INPP4B: variants seen among roughly 807,000 people sequenced by gnomAD.
INPP4B encodes inositol polyphosphate-4-phosphatase type II B.
Under a neutral mutation model 122.5 loss-of-function variants are expected in INPP4B, and 55 were observed. The observed-to-expected ratio is 0.45, with a 90% confidence interval of 0.36 to 0.56. The LOEUF (loss-of-function observed/expected upper bound fraction) is 0.56. INPP4B is among the 20% of genes least tolerant of loss of function. INPP4B has a pLI of 0.00. For missense variants in INPP4B, 1,000 were observed against 1,097.7 expected (o/e 0.91, Z 1.26); for synonymous variants, 403 against 388.7 (o/e 1.04, Z -0.43).
At chr4:142,480,018 GA>G (rs1217223402) in intron 2 of INPP4B, among the ~76,000 whole-genome samples, 5 of 152,130 alleles carry the variant, frequency 3.3e-5, no homozygotes, top group Non-Finnish European at 7.4e-5. Flanking sequence ...AATTGCAGTT[GA>G]AATCAAAATA....
chr4:142,368,915 G>A lies in INPP4B; in HGVS notation c.372+34023C>T, dbSNP rs554027323. 1.7e-4 allele frequency among the ~76,000 whole-genome samples: 26 copies of A among 152,150 alleles called. No individual in the cohort carries two copies. The South Asian group carries it at 5.2e-3, about 30-fold the overall frequency. On this transcript the variant is annotated intron_variant, in intron 7 of 25. Transcript: ENST00000262992. ...GGGAGAGTAAAAGGAGACATTTGCCGAGTTAAGCCTGGATCACTTCAAGAA... is the reference window on the plus strand; with the variant it reads ...GGGAGAGTAAAAGGAGACATTTGCCAAGTTAAGCCTGGATCACTTCAAGAA...
At chr4:142,349,649 C>A (rs554735276) in intron 7 of INPP4B, among the ~76,000 whole-genome samples, 1 of 151,874 alleles carries the variant, frequency 6.6e-6, no homozygotes, top group African/African-American at 2.4e-5. Context: ...TCCTATATAT[C>A]CACAAAATAC....
In INPP4B at chr4:142,820,625, T is replaced by C. The variant is rs117419858; in HGVS notation, c.-254+25584A>G. 1.9e-3 allele frequency among the ~76,000 whole-genome samples: 295 copies of C among 152,204 alleles called. 4 individuals are homozygous for C. In the East Asian group the frequency reaches 0.051, roughly 26 times the overall value. On this transcript the variant is annotated intron_variant, in intron 1 of 25. Transcript: ENST00000262992. ...TCATTTTGAGGTCACATAAATGTAA[T>C]AAATTTTGAGTAGGTTCTTAGAATT...
intron 12 of INPP4B, among the ~76,000 whole-genome samples, chr4:142,233,516 C>G (rs903771706): frequency 2.0e-5 from 3 of 152,252 alleles, no homozygotes; most frequent in African/African-American, 7.2e-5. Context: ...ATGGTTTGCA[C>G]TCTTTGCAAC....
intron 2 of INPP4B, among the ~76,000 whole-genome samples, chr4:142,704,202 G>T (rs1400710569): frequency 1.3e-5 from 2 of 152,116 alleles, no homozygotes; most frequent in Non-Finnish European, 2.9e-5. Context: ...AACAAAACAA[G>T]CTGGGGCATG....
chr4:142,164,006 C>G (rs558269126), intron 16 of INPP4B, among the ~76,000 whole-genome samples: 2 of 151,702 alleles, frequency 1.3e-5, no homozygotes, highest in Non-Finnish European at 3.0e-5. Flanking sequence ...AAACTCTGAA[C>G]GTAAGGCAGA....
intron 4 of INPP4B, 69 bp from the exon 5 acceptor site, chr4:142,429,286 A>G: frequency 1.3e-6 from 1 of 790,026 alleles, no homozygotes; most frequent in Non-Finnish European, 2.1e-6. Flanking sequence ...AATATATATT[A>G]CTATGCTTCA....
intron 2 of INPP4B, among the ~76,000 whole-genome samples, chr4:142,687,094 A>G (rs758540336): frequency 3.3e-5 from 5 of 151,886 alleles, no homozygotes; most frequent in Non-Finnish European, 7.4e-5. Context: ...AAGATGGGGG[A>G]CTTTTTTATT....
chr4:142,562,763 A>C (rs1479598551), intron 2 of INPP4B, among the ~76,000 whole-genome samples: 1 of 152,188 alleles, frequency 6.6e-6, no homozygotes, highest in African/African-American at 2.4e-5. Context: ...TAAAGTCCCT[A>C]GGGTAGAAAA....
chr4:142,723,108 C>A (rs1299353062), intron 2 of INPP4B, among the ~76,000 whole-genome samples: 3 of 152,058 alleles, frequency 2.0e-5, no homozygotes, highest in Non-Finnish European at 2.9e-5. Flanking sequence ...ACATAAGTAA[C>A]CCTGTATAGT....
chr4:142,422,273 T>C (rs1807064025), intron 5 of INPP4B, among the ~76,000 whole-genome samples: 1 of 152,116 alleles, frequency 6.6e-6, no homozygotes, highest in Admixed American at 6.6e-5. Context: ...GAACAGCATA[T>C]GGCAAACAAG....
chr4:142,297,309 T>C (rs1327095478), intron 9 of INPP4B, among the ~76,000 whole-genome samples: 1 of 152,192 alleles, frequency 6.6e-6, no homozygotes, highest in East Asian at 1.9e-4. Context: ...ATAGAAATGT[T>C]ATATCCAGAT....
intron 5 of INPP4B, among the ~76,000 whole-genome samples, chr4:142,417,956 T>A (rs1388689312): frequency 1.3e-5 from 2 of 152,184 alleles, no homozygotes; most frequent in Non-Finnish European, 2.9e-5. Context: ...CTTAAAAACA[T>A]TTCTGCAAGA....
At chr4:142,473,263 G>A in intron 2 of INPP4B, 1 of 152,390 alleles carries the variant, frequency 6.6e-6, no homozygotes, top group Non-Finnish European at 1.5e-5. Flanking sequence ...CCTGCAGGCT[G>A]ATCATCTGAG....
intron 2 of INPP4B, among the ~76,000 whole-genome samples, chr4:142,681,965 T>G (rs954024712): frequency 6.6e-6 from 1 of 151,896 alleles, no homozygotes; most frequent in Non-Finnish European, 1.5e-5. Flanking sequence ...AGTCATAAAG[T>G]GCAATTCTTT....
In INPP4B at chr4:142,028,924, G is replaced by C; in HGVS notation, c.2643-10C>G. ...TATGCGGCATCCTTCTCTGGTGAAAGGGGAAAAAGTACAACTTCATGAAAC... is the reference window on the plus strand; with the variant it reads ...TATGCGGCATCCTTCTCTGGTGAAACGGGAAAAAGTACAACTTCATGAAAC... On this transcript the variant is annotated splice_polypyrimidine_tract_variant and intron_variant, in intron 25 of 25. Transcript: ENST00000262992. The C allele has an allele frequency of 6.2e-7, 1 of 1,605,094 alleles. No homozygotes were observed. Among genetic ancestry groups the C allele is most frequent in the Non-Finnish European group, 8.5e-7 (1 of 1,176,812 alleles).
chr4:142,032,391 G>A (rs1740838591), intron 25 of INPP4B, among the ~76,000 whole-genome samples: 1 of 151,988 alleles, frequency 6.6e-6, no homozygotes, highest in Non-Finnish European at 1.5e-5. Context: ...ATAGAGACAA[G>A]GACACTAAGA....
intron 2 of INPP4B, among the ~76,000 whole-genome samples, chr4:142,645,422 AACCCCTAAAT>A (rs1751534149): frequency 2.0e-5 from 3 of 152,180 alleles, no homozygotes; most frequent in Non-Finnish European, 4.4e-5. Context: ...TTTAGTATAA[AACCCCTAAAT>A]TTAGCTGGAT....
At chr4:142,397,813 T>C (rs1214649740) in intron 7 of INPP4B, among the ~76,000 whole-genome samples, 1 of 151,746 alleles carries the variant, frequency 6.6e-6, no homozygotes, top group Non-Finnish European at 1.5e-5. Context: ...CATTCCAGCC[T>C]GGTGACAGAG....
Sources: allele counts gnomAD v4.1 joint callset (sites outside exome capture counted in the v4.1 genomes callset), GRCh38; gene constraint gnomAD v4.1.1; transcripts MANE v1.5; gene names NCBI Gene and HGNC (gene_info 2026-07-23, HGNC 2026-07-21).